Variants in TNFAIP8L3 observed in about 807,000 individuals in gnomAD.
TNFAIP8L3 encodes the protein tumor necrosis factor alpha-induced protein 8-like protein 3.
In TNFAIP8L3, 7 loss-of-function variants were observed where a neutral mutation model predicts 11.8. That is an observed-to-expected ratio of 0.59 (90% CI 0.34 to 1.11). TNFAIP8L3 has a LOEUF of 1.11. TNFAIP8L3 is among the 50% of genes most tolerant of loss of function. TNFAIP8L3 has a pLI of 0.03. For missense variants in TNFAIP8L3, 219 were observed against 258.6 expected (o/e 0.85, Z 1.05); for synonymous variants, 98 against 103.8 (o/e 0.94, Z 0.34).
chr15:51,074,977 T>C (rs2065339544), intron 1 of TNFAIP8L3, among the ~76,000 whole-genome samples: 1 of 152,238 alleles, frequency 6.6e-6, no homozygotes, highest in South Asian at 2.1e-4. Flanking sequence ...TGCTGAGTTC[T>C]TAGGGATTGA....
At chr15:51,069,994 C>T (rs186144994) in intron 1 of TNFAIP8L3, among the ~76,000 whole-genome samples, 1 of 152,226 alleles carries the variant, frequency 6.6e-6, no homozygotes, top group East Asian at 1.9e-4. Flanking sequence ...TTTTTAAATA[C>T]AAAAGGGCCA....
In TNFAIP8L3 at chr15:51,064,465, C is replaced by CAT. The variant is rs994826765; in HGVS notation, c.53-6024_53-6023dup. 7 of 150,958 alleles carry CAT rather than the reference C, an allele frequency of 4.6e-5. No homozygotes were observed. The Admixed American group carries it at 4.7e-4, about 10-fold the overall frequency. 9.4% of individuals were successfully genotyped at this position (150,958 alleles called of 1,614,324 possible). ...ACTTCTCAAATTTACTGGACATATACATATACATATGAATATATATATATA... is the reference window on the plus strand; with the variant it reads ...ACTTCTCAAATTTACTGGACATATACATATATACATATGAATATATATATATA... On this transcript the variant is annotated intron_variant, in intron 1 of 1. Coordinates refer to ENST00000637513, the MANE Select transcript of TNFAIP8L3 (RefSeq NM_001311175.2).
At chr15:51,077,355 C>G (rs986449802) in intron 1 of TNFAIP8L3, among the ~76,000 whole-genome samples, 1 of 152,174 alleles carries the variant, frequency 6.6e-6, no homozygotes, top group African/African-American at 2.4e-5. Context: ...GACTCGTGTC[C>G]GAAACCTCAA....
chr15:51,061,370 A>G (rs2140963046), intron 1 of TNFAIP8L3, among the ~76,000 whole-genome samples: 1 of 152,332 alleles, frequency 6.6e-6, no homozygotes, highest in South Asian at 2.1e-4. Flanking sequence ...AGTATTTTGC[A>G]TGTTAAGATT....
chr15:51,083,554 C>T (rs572849753), intron 1 of TNFAIP8L3, among the ~76,000 whole-genome samples: 40 of 152,338 alleles, frequency 2.6e-4, no homozygotes, highest in African/African-American at 7.7e-4. Context: ...GCAGCAGCGA[C>T]GCTGAGTTTC....
At chr15:51,089,823 T>C (rs910187477) in intron 1 of TNFAIP8L3, among the ~76,000 whole-genome samples, 1 of 152,188 alleles carries the variant, frequency 6.6e-6, no homozygotes, top group South Asian at 2.1e-4. Flanking sequence ...CAGCTTACTC[T>C]GTGGATGAGG....
chr15:51,104,901 C>T (rs2065578860), intron 1 of TNFAIP8L3: 1 of 1,404,522 alleles, frequency 7.1e-7, no homozygotes, highest in Non-Finnish European at 1.0e-6. Context: ...TGGCCCTCTT[C>T]AGATGCCAGC....
At chr15:51,076,392 T>C (rs1308048609) in intron 1 of TNFAIP8L3, among the ~76,000 whole-genome samples, 1 of 152,216 alleles carries the variant, frequency 6.6e-6, no homozygotes, top group East Asian at 1.9e-4. Flanking sequence ...AGGGGCCAAC[T>C]AGCTGTGGAG....
chr15:51,077,822 C>A (rs140459364), intron 1 of TNFAIP8L3, among the ~76,000 whole-genome samples: 1 of 152,182 alleles, frequency 6.6e-6, no homozygotes. Context: ...GACTCCAGCT[C>A]GAGTGTGCTG....
upstream of TNFAIP8L3, among the ~76,000 whole-genome samples, chr15:51,096,117 A>G (rs1312219852): frequency 6.6e-6 from 1 of 152,196 alleles, no homozygotes; most frequent in Non-Finnish European, 1.5e-5. Flanking sequence ...CAGGTCGTCC[A>G]GTAGGTGGGT....
intron 1 of TNFAIP8L3, among the ~76,000 whole-genome samples, chr15:51,101,639 A>T (rs2065551712): frequency 6.7e-6 from 1 of 150,248 alleles, no homozygotes; most frequent in Admixed American, 6.6e-5. Context: ...AAAAAAAAAG[A>T]AAGAAAGAAA....
chr15:51,066,619 G>A (rs1052155360), intron 1 of TNFAIP8L3, among the ~76,000 whole-genome samples: 5 of 152,176 alleles, frequency 3.3e-5, no homozygotes, highest in Non-Finnish European at 5.9e-5. Flanking sequence ...ACCCCTTCCC[G>A]TCTCCTTTTC....
chr15:51,084,586 G>C (rs1408097709), intron 1 of TNFAIP8L3, among the ~76,000 whole-genome samples: 2 of 152,152 alleles, frequency 1.3e-5, no homozygotes, highest in African/African-American at 4.8e-5. Context: ...AACATGTGTG[G>C]AGGAGTTTTC....
intron 1 of TNFAIP8L3, among the ~76,000 whole-genome samples, chr15:51,104,333 C>T (rs749258197): frequency 3.3e-4 from 50 of 152,130 alleles, no homozygotes; most frequent in Non-Finnish European, 5.9e-4. Flanking sequence ...TCCAGCTACA[C>T]CCAAGCCAGA....
intron 1 of TNFAIP8L3, among the ~76,000 whole-genome samples, chr15:51,103,622 C>T (rs576033130): frequency 6.6e-6 from 1 of 152,332 alleles, no homozygotes; most frequent in East Asian, 1.9e-4. Context: ...GACTGGTTCT[C>T]CTCTGAAACA....
chr15:51,097,747 G>C (rs1359440044), upstream of TNFAIP8L3, among the ~76,000 whole-genome samples: 1 of 152,142 alleles, frequency 6.6e-6, no homozygotes, highest in Non-Finnish European at 1.5e-5. Context: ...ATCTGTGTAA[G>C]AGAAGGAAGT....
upstream of TNFAIP8L3, among the ~76,000 whole-genome samples, chr15:51,096,824 G>T (rs2065516467): frequency 6.7e-6 from 1 of 149,702 alleles, no homozygotes; most frequent in African/African-American, 2.5e-5. Flanking sequence ...CCAGGAGGCG[G>T]AAGTTGCAGT....
At chr15:51,097,737 A>G, upstream of TNFAIP8L3, among the ~76,000 whole-genome samples, 1 of 152,194 alleles carries the variant, frequency 6.6e-6, no homozygotes, top group Non-Finnish European at 1.5e-5. Context: ...GTATGGAAAA[A>G]TCTGTGTAAG....
At chr15:51,059,153 G>T (rs574716236) in intron 1 of TNFAIP8L3, among the ~76,000 whole-genome samples, 2 of 152,306 alleles carry the variant, frequency 1.3e-5, no homozygotes, top group South Asian at 4.1e-4. Flanking sequence ...ATAGAGAGTT[G>T]TACTGTGGGA....
Sources: allele counts gnomAD v4.1 joint callset (sites outside exome capture counted in the v4.1 genomes callset), GRCh38; gene constraint gnomAD v4.1.1; transcripts MANE v1.5; gene names NCBI Gene and HGNC (gene_info 2026-07-23, HGNC 2026-07-21).